Variants in DHX32 observed in about 807,000 individuals in gnomAD.
DHX32 encodes putative pre-mRNA-splicing factor ATP-dependent RNA helicase DHX32.
DHX32 carries 51 observed loss-of-function variants against 70.0 expected under a neutral mutation model. The observed-to-expected ratio is 0.73, with a 90% confidence interval of 0.58 to 0.92. DHX32 has a LOEUF of 0.92. Among genes scored for constraint, DHX32 ranks in the 40% least tolerant of loss-of-function variants. DHX32 has a pLI of 0.00. For synonymous variants in DHX32, 310 were observed against 315.3 expected (o/e 0.98, Z 0.18); for missense variants, 762 against 891.8 (o/e 0.85, Z 1.85).
At position 125,839,146 on chromosome 10, in the gene DHX32, G is replaced by A. The variant is rs1439698670; in HGVS notation, c.1736C>T (p.Ser579Leu). The stretch of plus-strand genomic sequence containing the variant: ...AATAACATCTGCCATTCTGAGTGCT[G>A]AACAGTTGAGGAAGTAATCACGACA... ...KWCRDYFLNC[S>L]ALRMADVIRA... is the part of the protein sequence containing the mutation. Residue 579 changes from serine (S) to leucine (L), a missense_variant, in exon 9 of 11, where the codon TCA (serine) becomes TTA (leucine). Ser to Leu is a moderately radical substitution (Grantham distance 145). Around this residue, in one of 3 missense-constraint regions of DHX32, gnomAD observed 366 missense variants for 402.6 expected, o/e 0.91. Transcript: ENST00000284690. The A allele has an allele frequency of 2.5e-6, 4 of 1,614,230 alleles. No homozygotes were observed. Among genetic ancestry groups the A allele is most frequent in the Non-Finnish European group, 3.4e-6 (4 of 1,180,032 alleles).
chr10:125,850,290 T>C (rs1944073485), intron 6 of DHX32, among the ~76,000 whole-genome samples: 1 of 151,590 alleles, frequency 6.6e-6, no homozygotes, highest in African/African-American at 2.4e-5. Flanking sequence ...GCAGAATCTT[T>C]AATTCCTCTT....
At chr10:125,860,091 T>A in intron 2 of DHX32, 116 bp from the exon 3 acceptor site, 1 of 942,728 alleles carries the variant, frequency 1.1e-6, no homozygotes, top group Non-Finnish European at 1.5e-6. Flanking sequence ...ACTCTAAATT[T>A]TTACTGGGGC....
At chr10:125,892,417 A>AT (rs1211364666) in intron 1 of DHX32, among the ~76,000 whole-genome samples, 2 of 152,156 alleles carry the variant, frequency 1.3e-5, no homozygotes, top group Admixed American at 6.6e-5. Context: ...AATCCTCCTT[A>AT]TTACCTTTAA....
intron 2 of DHX32, among the ~76,000 whole-genome samples, chr10:125,860,348 G>A (rs1944178782): frequency 6.6e-6 from 1 of 152,018 alleles, no homozygotes; most frequent in Non-Finnish European, 1.5e-5. Flanking sequence ...TTTTCCTCTC[G>A]AATTCATCAA....
At chr10:125,888,364 G>C (rs796603459) in intron 1 of DHX32, among the ~76,000 whole-genome samples, 1 of 128,364 alleles carries the variant, frequency 7.8e-6, no homozygotes, top group Non-Finnish European at 1.8e-5. Flanking sequence ...CACCATGCCT[G>C]GCTAATTTTT....
chr10:125,854,205 T>TA lies in DHX32; in HGVS notation c.850-3dup. On this transcript the variant is annotated splice_region_variant and splice_polypyrimidine_tract_variant and intron_variant, in intron 3 of 10. Coordinates refer to ENST00000284690, the MANE Select transcript of DHX32 (RefSeq NM_018180.3). ...AGTTTCACAGACTTTCTCAATATCC[T>TA]AAAGAAAAAAAAACCCATGAAAATA... 6.4e-7 allele frequency: 1 copy of TA among 1,565,152 alleles called. No individual in the cohort carries two copies. Among genetic ancestry groups the TA allele is most frequent in the African/African-American group, 1.4e-5 (1 of 71,876 alleles).
At chr10:125,872,994 T>C (rs1381590973) in intron 1 of DHX32, among the ~76,000 whole-genome samples, 3 of 152,216 alleles carry the variant, frequency 2.0e-5, no homozygotes, top group Non-Finnish European at 1.5e-5. Flanking sequence ...AGATGCTCCA[T>C]TCCCAACTCC....
At chr10:125,885,445 T>A (rs1374852597), upstream of DHX32, among the ~76,000 whole-genome samples, 1 of 152,128 alleles carries the variant, frequency 6.6e-6, no homozygotes, top group Non-Finnish European at 1.5e-5. Context: ...AGGACCCTCC[T>A]AGCCACAGTC....
chr10:125,863,272 G>T (rs1944200659), intron 2 of DHX32, among the ~76,000 whole-genome samples: 1 of 151,788 alleles, frequency 6.6e-6, no homozygotes, highest in Non-Finnish European at 1.5e-5. Flanking sequence ...TTCAAAAAAG[G>T]CCAGAGAAAA....
At position 125,866,420 on chromosome 10, in the gene DHX32, T is replaced by A. The variant is rs1944220366; in HGVS notation, c.476+570A>T. 6.6e-6 allele frequency among the ~76,000 whole-genome samples: 1 copy of A among 152,116 alleles called. No individual in the cohort carries two copies. ...ACATAGAAGACTCTGCAAAGCACAGTTTGAGAAACACTGTCGAAGCTGCTA... is the reference window on the plus strand; with the variant it reads ...ACATAGAAGACTCTGCAAAGCACAGATTGAGAAACACTGTCGAAGCTGCTA... On this transcript the variant is annotated intron_variant, in intron 2 of 10. Coordinates refer to ENST00000284690, the MANE Select transcript of DHX32 (RefSeq NM_018180.3). This position sits in a 1 kb window ranked among gnomAD's most constrained non-coding sequence, Gnocchi z 4.8.
At chr10:125,882,187 C>A (rs1317031038), upstream of DHX32, among the ~76,000 whole-genome samples, 1 of 152,106 alleles carries the variant, frequency 6.6e-6, no homozygotes, top group East Asian at 1.9e-4. Context: ...AGAAAAATTC[C>A]ATTAGTGTTG....
At chr10:125,869,573 C>T (rs1273995896) in intron 1 of DHX32, 2 of 144,728 alleles carry the variant, frequency 1.4e-5, no homozygotes, top group Admixed American at 6.8e-5. Context: ...GAGACTCTGT[C>T]TCAAAAAAAA....
At chr10:125,889,710 T>C (rs1170109491) in intron 1 of DHX32, among the ~76,000 whole-genome samples, 4 of 152,190 alleles carry the variant, frequency 2.6e-5, no homozygotes, top group Non-Finnish European at 4.4e-5. Context: ...CCTGGTTCCA[T>C]ACTACTACTA....
intron 1 of DHX32, among the ~76,000 whole-genome samples, chr10:125,867,605 G>A (rs1029887337): frequency 5.9e-5 from 9 of 151,936 alleles, no homozygotes; most frequent in Non-Finnish European, 8.8e-5. Context: ...GCGTGGTGGC[G>A]GGCGCCTGTA....
At chr10:125,887,843 T>C (rs1311805554) in intron 1 of DHX32, among the ~76,000 whole-genome samples, 1 of 152,150 alleles carries the variant, frequency 6.6e-6, no homozygotes, top group Non-Finnish European at 1.5e-5. Flanking sequence ...ATTAGTGAGA[T>C]TAGGTAACAG....
chr10:125,836,599 C>T lies in DHX32; in HGVS notation c.*88G>A, dbSNP rs542077938. 7.4e-6 allele frequency: 11 copies of T among 1,478,604 alleles called. No individual in the cohort carries two copies. The highest frequency in any genetic ancestry group is 5.6e-5 in the African/African-American group (4 of 71,536). The allele number at this position is 1,478,604 out of a possible 1,614,324, so 91.6% of individuals were successfully genotyped here. A position where few individuals can be genotyped will look rare whatever the true frequency, so the allele number is the denominator to read the frequency against. On this transcript the variant is annotated 3_prime_UTR_variant, in exon 11 of 11. Transcript: ENST00000284690. ...AAGACCGTCCTGTGGATGTGAAATCCGTCTTCGCGTCATGTATCTCCCATA... is the reference window on the plus strand; with the variant it reads ...AAGACCGTCCTGTGGATGTGAAATCTGTCTTCGCGTCATGTATCTCCCATA...
rs1175786533 is a variant in DHX32, at chr10:125,863,450, AT to A, written c.477-3476del. Among the ~76,000 whole-genome samples, 662 of 143,668 alleles carry A rather than the reference AT, an allele frequency of 4.6e-3. 4 individuals are homozygous for A. Among genetic ancestry groups the A allele is most frequent in the African/African-American group, 0.01 (412 of 39,378 alleles). 94.3% of individuals were successfully genotyped at this position (143,668 alleles called of 152,430 possible). On this transcript the variant is annotated intron_variant, in intron 2 of 10. Transcript: ENST00000284690. Reference sequence around the variant, plus strand: ...TACTGCCTTCTATAATCAATGATCAATTTTTTTTTTTTTTTGAGATGGAGTC... The same window carrying A: ...TACTGCCTTCTATAATCAATGATCAATTTTTTTTTTTTTTGAGATGGAGTC...
chr10:125,894,843 G>T (rs1196716485), intron 1 of DHX32, among the ~76,000 whole-genome samples: 2 of 152,302 alleles, frequency 1.3e-5, no homozygotes, highest in African/African-American at 4.8e-5. Flanking sequence ...AGACCGCTTT[G>T]TGATTTTGCT....
At chr10:125,850,717 T>C (rs1944080204) in intron 6 of DHX32, among the ~76,000 whole-genome samples, 1 of 152,228 alleles carries the variant, frequency 6.6e-6, no homozygotes, top group South Asian at 2.1e-4. Flanking sequence ...TAACGTGCCA[T>C]GCCTGTTTGT....
Sources: allele counts gnomAD v4.1 joint callset (sites outside exome capture counted in the v4.1 genomes callset), GRCh38; gene constraint gnomAD v4.1.1; regional missense constraint gnomAD v4.1.1; non-coding constraint Gnocchi (gnomAD v3.1); transcripts MANE v1.5; gene names NCBI Gene and HGNC (gene_info 2026-07-23, HGNC 2026-07-21).